SPAG16: variants seen among roughly 807,000 people sequenced by gnomAD.
SPAG16 encodes sperm-associated antigen 16 protein.
SPAG16 carries 86 observed loss-of-function variants against 80.4 expected under a neutral mutation model. That is an observed-to-expected ratio of 1.07 (90% confidence interval 0.90 to 1.28). The LOEUF is 1.28. SPAG16 is among the 50% of genes most tolerant of loss of function. The pLI, the probability that SPAG16 is intolerant of heterozygous loss-of-function variation, is 0.00. For synonymous variants in SPAG16, 294 were observed against 265.9 expected, an observed-to-expected ratio of 1.11 and a Z score of -1.03; for missense variants, 870 against 765.3, an observed-to-expected ratio of 1.14 and a Z score of -1.61.
chr2:213,332,320 C>G (rs767002217), intron 5 of SPAG16, among the ~76,000 whole-genome samples: 1 of 152,052 alleles, frequency 6.6e-6, no homozygotes, highest in Non-Finnish European at 1.5e-5. Context: ...TAGATACAAG[C>G]TACCAGAATT....
At chr2:214,171,969 C>A (rs376678664) in intron 15 of SPAG16, among the ~76,000 whole-genome samples, 1 of 151,798 alleles carries the variant, frequency 6.6e-6, no homozygotes, top group South Asian at 2.1e-4. Flanking sequence ...CATCACTTTA[C>A]GTAATTACTT....
chr2:213,846,806 C>T (rs947215415), intron 10 of SPAG16, among the ~76,000 whole-genome samples: 4 of 152,104 alleles, frequency 2.6e-5, no homozygotes, highest in African/African-American at 9.7e-5. Flanking sequence ...ACTAATTTAT[C>T]GCTTCACAGT....
chr2:214,170,596 A>G (rs1486482718), intron 15 of SPAG16, among the ~76,000 whole-genome samples: 1 of 152,086 alleles, frequency 6.6e-6, no homozygotes, highest in African/African-American at 2.4e-5. Flanking sequence ...GATTTAGGAA[A>G]CAGGGTTATC....
chr2:213,546,280 G>C (rs1198247915), intron 10 of SPAG16, among the ~76,000 whole-genome samples: 1 of 151,776 alleles, frequency 6.6e-6, no homozygotes, highest in African/African-American at 2.4e-5. Flanking sequence ...TCTGTTTCCT[G>C]TTCATTATAT....
At chr2:213,630,267 C>T (rs1029411727) in intron 10 of SPAG16, among the ~76,000 whole-genome samples, 2 of 152,058 alleles carry the variant, frequency 1.3e-5, no homozygotes, top group Admixed American at 6.6e-5. Context: ...GCCTGCAATC[C>T]GAGCTACTCG....
intron 12 of SPAG16, among the ~76,000 whole-genome samples, chr2:213,943,449 C>T (rs560522118): frequency 2.6e-4 from 40 of 152,100 alleles, no homozygotes; most frequent in African/African-American, 8.9e-4. Flanking sequence ...CAATAAAGGC[C>T]GTTCTCATGT....
intron 5 of SPAG16, chr2:213,317,596 T>G (rs1347833579): frequency 7.8e-6 from 9 of 1,156,552 alleles, no homozygotes; most frequent in Admixed American, 4.3e-5. Flanking sequence ...GGTACATTTT[T>G]TATATAACAT....
chr2:214,181,473 T>G (rs2057306104), intron 15 of SPAG16, among the ~76,000 whole-genome samples: 1 of 151,764 alleles, frequency 6.6e-6, no homozygotes, highest in African/African-American at 2.4e-5. Flanking sequence ...GTCCTTTTTC[T>G]CACTGCCTGC....
chr2:213,861,776 C>G (rs189429718), intron 10 of SPAG16, among the ~76,000 whole-genome samples: 20 of 152,220 alleles, frequency 1.3e-4, no homozygotes, highest in African/African-American at 4.6e-4. Context: ...TGATCAGAGT[C>G]CAGTTCAAAT....
chr2:214,358,370 A>G (rs1008587295), intron 15 of SPAG16, among the ~76,000 whole-genome samples: 13 of 151,958 alleles, frequency 8.6e-5, no homozygotes, highest in African/African-American at 2.4e-4. Flanking sequence ...ACCTTTAGTG[A>G]TACCTTATCT....
Position 214,013,995 on chromosome 2 carries a change from A to T in SPAG16, c.1445A>T (p.Asn482Ile), listed in dbSNP as rs756817333. 1 of 1,613,600 alleles carries T rather than the reference A, an allele frequency of 6.2e-7. No homozygotes were observed. Among genetic ancestry groups the T allele is most frequent in the Admixed American group, 1.7e-5 (1 of 60,018 alleles). ...CTLYGHTDSV[N>I]SIEFFPFSNT... is the part of the protein sequence containing the mutation. ...TTGTATGGACATACAGATTCTGTGA[A>T]CAGCATTGAGTTTTTTCCTTTCTCC... The change falls in exon 13 of 16, where the codon AAC (asparagine) becomes ATC (isoleucine). Residue 482 changes from asparagine to isoleucine, a missense_variant. Coordinates refer to ENST00000331683, the MANE Select transcript of SPAG16 (RefSeq NM_024532.5).
chr2:214,262,696 C>T (rs1212453597), intron 15 of SPAG16, among the ~76,000 whole-genome samples: 1 of 151,878 alleles, frequency 6.6e-6, no homozygotes, highest in East Asian at 1.9e-4. Flanking sequence ...CTAAGTGATT[C>T]CAAGATCTTA....
intron 15 of SPAG16, among the ~76,000 whole-genome samples, chr2:214,313,786 T>C (rs1294570370): frequency 2.0e-5 from 3 of 152,108 alleles, no homozygotes; most frequent in Admixed American, 6.5e-5. Flanking sequence ...TTCAGGATAA[T>C]GACCATGAGC....
intron 11 of SPAG16, among the ~76,000 whole-genome samples, chr2:213,878,114 C>G (rs2076205617): frequency 6.6e-6 from 1 of 152,074 alleles, no homozygotes; most frequent in South Asian, 2.1e-4. Flanking sequence ...TACTTGTGTT[C>G]TTACTCATTT....
At chr2:214,239,273 A>G (rs1689300720) in intron 15 of SPAG16, 1 of 152,104 alleles carries the variant, frequency 6.6e-6, no homozygotes, top group Non-Finnish European at 1.5e-5. Context: ...TCCTCAAGCA[A>G]TCCTCCCAAA....
intron 10 of SPAG16, among the ~76,000 whole-genome samples, chr2:213,517,611 C>T (rs2075482254): frequency 6.6e-6 from 1 of 152,076 alleles, no homozygotes; most frequent in Non-Finnish European, 1.5e-5. Context: ...TAAAAACAGA[C>T]ACATAGACCA....
At position 213,453,809 on chromosome 2, in the gene SPAG16, G is replaced by A. The variant is rs561118688; in HGVS notation, c.943-36154G>A. On this transcript the variant is annotated intron_variant, in intron 9 of 15. Transcript: ENST00000331683. The stretch of plus-strand genomic sequence containing the variant: ...TGAATTGGTTCTATGGAAGAAGACA[G>A]CATATGAAGGGAAACTTCATTGGAA... 2.6e-5 allele frequency among the ~76,000 whole-genome samples: 4 copies of A among 152,340 alleles called. No homozygotes were observed. The South Asian group carries it at 8.3e-4, about 32-fold the overall frequency.
intron 10 of SPAG16, among the ~76,000 whole-genome samples, chr2:213,737,551 G>A (rs1289072852): frequency 6.7e-6 from 1 of 149,692 alleles, no homozygotes; most frequent in Non-Finnish European, 1.5e-5. Context: ...GCAGTGGCGC[G>A]ATCTCGGCTC....
chr2:214,320,209 A>T (rs1696001127), intron 15 of SPAG16, among the ~76,000 whole-genome samples: 1 of 152,096 alleles, frequency 6.6e-6, no homozygotes, highest in Admixed American at 6.5e-5. Flanking sequence ...TTGGGTCCTT[A>T]GTTATAGGTA....
Sources: gnomAD v4.1 joint callset for allele counts (sites outside exome capture counted in the v4.1 genomes callset) on GRCh38, gnomAD v4.1.1 for gene constraint, MANE v1.5 for transcripts, NCBI Gene and HGNC (gene_info 2026-07-23, HGNC 2026-07-21) for gene names.